SCAPER: variants seen among roughly 807,000 people sequenced by gnomAD.
SCAPER encodes S phase cyclin A-associated protein in the endoplasmic reticulum.
In SCAPER, 98 loss-of-function variants were observed where a neutral mutation model predicts 182.2. The observed-to-expected ratio is 0.54, with a 90% CI of 0.46 to 0.64. The LOEUF is 0.64. Among genes scored for constraint, SCAPER ranks in the 30% least tolerant of loss-of-function variants. The probability of loss-of-function intolerance (pLI) is 0.00; values close to 1 mark genes in which losing one functional copy is unlikely to be tolerated. For missense variants in SCAPER, 1,432 were observed against 1,690.0 expected (o/e 0.85, Z 2.68); for synonymous variants, 605 against 564.6 (o/e 1.07, Z -1.01).
At chr15:76,782,402 A>AGAGACTT (rs1238414330) in intron 8 of SCAPER, among the ~76,000 whole-genome samples, 13 of 152,340 alleles carry the variant, frequency 8.5e-5, no homozygotes, top group African/African-American at 2.9e-4. Flanking sequence ...AGACCTACAA[A>AGAGACTT]GAGACTTAGA....
At chr15:76,826,306 G>C (rs376211316) in intron 5 of SCAPER, among the ~76,000 whole-genome samples, 2 of 149,748 alleles carry the variant, frequency 1.3e-5, no homozygotes, top group Admixed American at 1.3e-4. Flanking sequence ...GTAAACTATC[G>C]CAAGAACAAA....
At chr15:76,865,586 T>C (rs369048749) in intron 2 of SCAPER, among the ~76,000 whole-genome samples, 25 of 152,036 alleles carry the variant, frequency 1.6e-4, no homozygotes, top group Non-Finnish European at 2.8e-4. Flanking sequence ...TTCATACTGA[T>C]GGGGATGATC....
intron 21 of SCAPER, among the ~76,000 whole-genome samples, chr15:76,663,939 AT>A (rs1018659440): frequency 2.6e-4 from 40 of 152,022 alleles, no homozygotes; most frequent in Admixed American, 3.3e-4. Flanking sequence ...AGATAAAACT[AT>A]TTTTCCTATG....
chr15:76,667,647 A>AAC (rs2056700137), intron 20 of SCAPER, among the ~76,000 whole-genome samples: 1 of 126,108 alleles, frequency 7.9e-6, no homozygotes, highest in African/African-American at 3.3e-5. Flanking sequence ...AAAAAAAAAA[A>AAC]AAAAAAAAAA....
At chr15:76,688,164 T>C (rs2058137670) in intron 20 of SCAPER, among the ~76,000 whole-genome samples, 1 of 152,150 alleles carries the variant, frequency 6.6e-6, no homozygotes, top group Non-Finnish European at 1.5e-5. Context: ...CACTGTGGTT[T>C]TGATTTGCAT....
intron 22 of SCAPER, among the ~76,000 whole-genome samples, chr15:76,607,178 T>C (rs1173062461): frequency 6.6e-6 from 1 of 151,636 alleles, no homozygotes; most frequent in Non-Finnish European, 1.5e-5. Context: ...CCATGTTTAG[T>C]GCTTCCTTCA....
chr15:76,799,426 C>G (rs1241582884), intron 7 of SCAPER, among the ~76,000 whole-genome samples: 2 of 149,688 alleles, frequency 1.3e-5, no homozygotes, highest in African/African-American at 4.9e-5. Context: ...CGACACATGG[C>G]TAATTTTTGT....
chr15:76,381,215 G>C lies in SCAPER; in HGVS notation c.3705+163C>G, dbSNP rs114292253. 1,986 of 387,894 alleles carry C rather than the reference G, an allele frequency of 5.1e-3. 41 individuals are homozygous for C. The highest frequency in any genetic ancestry group is 0.037 in the African/African-American group (1,771 of 47,888). The allele number at this position is 387,894 out of a possible 1,614,324, so 24.0% of individuals were successfully genotyped here. On this transcript the variant is annotated intron_variant, in intron 28 of 31. Transcript: ENST00000563290. ...TAGATGTTATAGAGCATCTAATACA[G>C]TTCCCAGAAAATAGTAGTTTAATAA...
intron 10 of SCAPER, among the ~76,000 whole-genome samples, chr15:76,767,574 CATTA>C (rs1037508371): frequency 1.3e-4 from 19 of 151,980 alleles, no homozygotes; most frequent in African/African-American, 4.6e-4. Flanking sequence ...ACATGAGATT[CATTA>C]ATTAATAAAT....
intron 17 of SCAPER, among the ~76,000 whole-genome samples, chr15:76,719,693 T>G: frequency 6.6e-6 from 1 of 152,128 alleles, no homozygotes; most frequent in East Asian, 1.9e-4. Flanking sequence ...AAACTATTTT[T>G]TAAAAAACCT....
rs1310858165 is a variant in SCAPER at position 76,701,848 on chromosome 15, A to G, written c.2418T>C (p.Tyr806=). 1 of 1,613,588 alleles carries G rather than the reference A, an allele frequency of 6.2e-7. No homozygotes were observed. Among genetic ancestry groups the G allele is most frequent in the African/African-American group, 1.3e-5 (1 of 74,912 alleles). Residue 806 remains tyrosine (Y), a synonymous_variant, in exon 20 of 32, where the codon TAT becomes TAC. Coordinates refer to ENST00000563290, the MANE Select transcript of SCAPER (RefSeq NM_020843.4). ...LCNVLISSEV[Y]LFSHVKGRKH... is the part of the protein sequence containing the mutation. ...TTCTCCCTTTAACATGGCTAAAAAG[A>G]TATACCTCTGAAGAGATCTGAAAGC...
Position 76,471,219 on chromosome 15 carries a change from T to TGGTGTATCA in SCAPER, c.3062_3070dup (p.Leu1021_His1023dup). ...AGCAATAATATTACATACCGTCAAC[T>TGGTGTATCA]GGTGTATCAGGAGGTCCATTAAGAA... is the stretch of plus-strand genomic sequence containing the variant. On this transcript the variant is annotated inframe_insertion, in exon 25 of 32. Coordinates refer to ENST00000563290, the MANE Select transcript of SCAPER (RefSeq NM_020843.4). 6.2e-7 allele frequency: 1 copy of TGGTGTATCA among 1,606,684 alleles called. No individual in the cohort carries two copies. Among genetic ancestry groups the TGGTGTATCA allele is most frequent in the Non-Finnish European group, 8.5e-7 (1 of 1,177,024 alleles).
chr15:76,394,725 T>A (rs1200808521), intron 27 of SCAPER, among the ~76,000 whole-genome samples: 1 of 152,206 alleles, frequency 6.6e-6, no homozygotes, highest in African/African-American at 2.4e-5. Context: ...GGGTACACAG[T>A]AGGTATACAT....
intron 17 of SCAPER, among the ~76,000 whole-genome samples, chr15:76,713,457 T>G (rs2059706215): frequency 6.6e-6 from 1 of 151,932 alleles, no homozygotes; most frequent in Non-Finnish European, 1.5e-5. Flanking sequence ...CCATAAAAAA[T>G]GATGAGTTCA....
intron 10 of SCAPER, among the ~76,000 whole-genome samples, chr15:76,768,628 A>C (rs2063253094): frequency 6.6e-6 from 1 of 152,062 alleles, no homozygotes; most frequent in African/African-American, 2.4e-5. Context: ...AAAAAACAAC[A>C]GTAAACTTCA....
At chr15:76,683,574 T>A (rs1188113255) in intron 20 of SCAPER, among the ~76,000 whole-genome samples, 1 of 151,616 alleles carries the variant, frequency 6.6e-6, no homozygotes, top group Non-Finnish European at 1.5e-5. Context: ...CACAATACTA[T>A]ACAAGATGGC....
chr15:76,529,495 A>G (rs1345837083), intron 23 of SCAPER, among the ~76,000 whole-genome samples: 2 of 152,240 alleles, frequency 1.3e-5, no homozygotes, highest in Non-Finnish European at 2.9e-5. Context: ...GTAGTCCTTT[A>G]TTACCCATAA....
chr15:76,384,958 A>C (rs1365146542), intron 27 of SCAPER, among the ~76,000 whole-genome samples: 2 of 152,244 alleles, frequency 1.3e-5, no homozygotes, highest in Non-Finnish European at 2.9e-5. Flanking sequence ...TTCAAAAAAT[A>C]CATAGAAGAT....
chr15:76,425,729 T>A (rs945672234), intron 26 of SCAPER, among the ~76,000 whole-genome samples: 1 of 152,220 alleles, frequency 6.6e-6, no homozygotes, highest in Non-Finnish European at 1.5e-5. Flanking sequence ...GCTCTGTTTT[T>A]TTCCCATCTT....
Sources: gnomAD v4.1 joint callset for allele counts (sites outside exome capture counted in the v4.1 genomes callset) on GRCh38, gnomAD v4.1.1 for gene constraint, MANE v1.5 for transcripts, NCBI Gene and HGNC (gene_info 2026-07-23, HGNC 2026-07-21) for gene names.